The following CACNG2 variants were observed in gnomAD, a reference collection of about 807,000 sequenced individuals.
The protein encoded by CACNG2 is voltage-dependent calcium channel gamma-2 subunit.
Under a neutral mutation model 25.9 loss-of-function variants are expected in CACNG2, and 3 were observed. The ratio of observed to expected loss-of-function variants is 0.12; its 90% CI spans 0.05 to 0.30. The LOEUF (loss-of-function observed/expected upper bound fraction) is 0.30. CACNG2 is among the 10% of genes least tolerant of loss of function. The probability of loss-of-function intolerance (pLI) is 1.00; values close to 1 mark genes in which losing one functional copy is unlikely to be tolerated. For missense variants in CACNG2, 341 were observed against 432.5 expected (o/e 0.79, Z 1.88); for synonymous variants, 167 against 173.3 (o/e 0.96, Z 0.29).
At chr22:36,668,108 G>A (rs1215944469) in intron 1 of CACNG2, among the ~76,000 whole-genome samples, 4 of 152,132 alleles carry the variant, frequency 2.6e-5, no homozygotes, top group East Asian at 3.9e-4. Flanking sequence ...ACTGCTTTCC[G>A]GGGCCTGCAG....
At chr22:36,691,198 C>A (rs1378122669) in intron 1 of CACNG2, among the ~76,000 whole-genome samples, 1 of 152,140 alleles carries the variant, frequency 6.6e-6, no homozygotes, top group Non-Finnish European at 1.5e-5. Flanking sequence ...AGGAAGCAGA[C>A]CCCAGGTGGG....
At chr22:36,658,948 G>T (rs1191355503) in intron 1 of CACNG2, among the ~76,000 whole-genome samples, 1 of 152,110 alleles carries the variant, frequency 6.6e-6, no homozygotes, top group Admixed American at 6.5e-5. Flanking sequence ...GGGTGTGCAG[G>T]TTATAGGAGC....
chr22:36,582,901 C>T (rs1411435986), intron 2 of CACNG2, among the ~76,000 whole-genome samples: 1 of 151,960 alleles, frequency 6.6e-6, no homozygotes, highest in Non-Finnish European at 1.5e-5. Flanking sequence ...TACAGGGGGG[C>T]CCACTCCAGA....
intron 1 of CACNG2, among the ~76,000 whole-genome samples, chr22:36,681,439 A>T (rs546679634): frequency 6.6e-6 from 1 of 152,332 alleles, no homozygotes; most frequent in South Asian, 2.1e-4. Flanking sequence ...CTTTGTCAGC[A>T]CCTGGCTCTT....
intron 1 of CACNG2, among the ~76,000 whole-genome samples, chr22:36,649,290 A>G (rs1184100714): frequency 6.6e-6 from 1 of 151,902 alleles, no homozygotes; most frequent in Non-Finnish European, 1.5e-5. Flanking sequence ...TGACAGCTCT[A>G]CTTCCTTTTT....
chr22:36,566,818 C>T (rs1399937633), intron 2 of CACNG2, among the ~76,000 whole-genome samples: 2 of 152,238 alleles, frequency 1.3e-5, no homozygotes, highest in Non-Finnish European at 2.9e-5. Context: ...CCACATCAAA[C>T]TTCCCACGAC....
chr22:36,650,610 C>G (rs766290430), intron 1 of CACNG2, among the ~76,000 whole-genome samples: 1 of 152,168 alleles, frequency 6.6e-6, no homozygotes, highest in African/African-American at 2.4e-5. Flanking sequence ...CTCCTGGGCA[C>G]AAGCAATCCT....
At chr22:36,620,012 C>A (rs144910833) in intron 1 of CACNG2, among the ~76,000 whole-genome samples, 1 of 152,358 alleles carries the variant, frequency 6.6e-6, no homozygotes, top group African/African-American at 2.4e-5. Context: ...GGCGCCTCTG[C>A]AGATCCTTAT....
At chr22:36,615,549 A>G (rs1439334196) in intron 1 of CACNG2, among the ~76,000 whole-genome samples, 1 of 152,198 alleles carries the variant, frequency 6.6e-6, no homozygotes, top group African/African-American at 2.4e-5. Flanking sequence ...GACAAAAATG[A>G]TATGACCATC....
At chr22:36,681,582 T>C (rs1008435144) in intron 1 of CACNG2, among the ~76,000 whole-genome samples, 1 of 152,206 alleles carries the variant, frequency 6.6e-6, no homozygotes, top group Non-Finnish European at 1.5e-5. Context: ...AATATATTTT[T>C]GGGTTACATT....
At chr22:36,653,611 G>A (rs1936655224) in intron 1 of CACNG2, among the ~76,000 whole-genome samples, 1 of 152,188 alleles carries the variant, frequency 6.6e-6, no homozygotes, top group South Asian at 2.1e-4. Flanking sequence ...AACAGAGCCG[G>A]ATGATCTGAA....
intron 2 of CACNG2, among the ~76,000 whole-genome samples, chr22:36,569,795 C>T (rs778336947): frequency 1.8e-4 from 27 of 152,350 alleles, no homozygotes; most frequent in South Asian, 4.1e-4. Flanking sequence ...CGGCCTCGGC[C>T]TTCCAAAGTG....
At chr22:36,660,655 G>A (rs9619629) in intron 1 of CACNG2, among the ~76,000 whole-genome samples, 15,725 of 152,222 alleles carry the variant, frequency 0.1, 2,695 homozygotes, top group African/African-American at 0.36. Flanking sequence ...CGGGCGGGGC[G>A]GGGCAGCGTG....
At chr22:36,596,932 T>G (rs1935686874) in intron 1 of CACNG2, among the ~76,000 whole-genome samples, 1 of 152,066 alleles carries the variant, frequency 6.6e-6, no homozygotes, top group African/African-American at 2.4e-5. Flanking sequence ...GAATTTTTTT[T>G]GTAGAGATGG....
rs931267857 is a variant in CACNG2 at position 36,563,668 on chromosome 22, G to C, written c.*683C>G. Reference sequence around the variant, plus strand: ...TGCCCCATCAATGCTGGGCGGAGCCGGCTCGAGCTCTGAGCCTTCCTGGAG... The same window carrying C: ...TGCCCCATCAATGCTGGGCGGAGCCCGCTCGAGCTCTGAGCCTTCCTGGAG... On this transcript the variant is annotated 3_prime_UTR_variant, in exon 4 of 4. Coordinates refer to ENST00000300105, the MANE Select transcript of CACNG2 (RefSeq NM_006078.5). 6.6e-6 allele frequency among the ~76,000 whole-genome samples: 1 copy of C among 151,892 alleles called. No individual in the cohort carries two copies. Among genetic ancestry groups the C allele is most frequent in the Non-Finnish European group, 1.5e-5 (1 of 67,912 alleles).
intron 1 of CACNG2, among the ~76,000 whole-genome samples, chr22:36,645,536 C>CAAAA (rs200600420): frequency 7.0e-4 from 94 of 134,814 alleles, no homozygotes; most frequent in Non-Finnish European, 9.6e-4. Context: ...GACTCTGTCT[C>CAAAA]AAAAAAAAAA....
Position 36,657,686 on chromosome 22 carries a change from C to CT in CACNG2, c.211+44679dup, listed in dbSNP as rs550408330. ...GTTTTCATTTTTATAAATCCTAGAA[C>CT]TTTTTTTTTTTCTGGATACAATAAG... On this transcript the variant is annotated intron_variant, in intron 1 of 3. Coordinates refer to ENST00000300105, the MANE Select transcript of CACNG2 (RefSeq NM_006078.5). Among the ~76,000 whole-genome samples the CT allele has an allele frequency of 3.8e-4, 56 of 148,032 alleles. 1 individual carries two copies. Among genetic ancestry groups the CT allele is most frequent in the South Asian group, 1.1e-3 (5 of 4,656 alleles).
At chr22:36,593,346 G>A (rs558977740) in intron 1 of CACNG2, among the ~76,000 whole-genome samples, 7 of 152,202 alleles carry the variant, frequency 4.6e-5, no homozygotes, top group Non-Finnish European at 8.8e-5. Flanking sequence ...GTGAGCCAGC[G>A]CTCAGCTCCC....
At chr22:36,672,523 T>A (rs1021330452) in intron 1 of CACNG2, among the ~76,000 whole-genome samples, 2 of 152,112 alleles carry the variant, frequency 1.3e-5, no homozygotes, top group Non-Finnish European at 2.9e-5. Context: ...TCACACAGGA[T>A]GACTTCAATG....
Sources: allele counts gnomAD v4.1 joint callset (sites outside exome capture counted in the v4.1 genomes callset), GRCh38; gene constraint gnomAD v4.1.1; transcripts MANE v1.5; gene names NCBI Gene and HGNC (gene_info 2026-07-23, HGNC 2026-07-21).